Variants in ANKS1B observed in about 807,000 individuals in gnomAD.
The protein encoded by ANKS1B is ankyrin repeat and sterile alpha motif domain containing 1B, also known as ankyrin repeat and sterile alpha motif domain-containing protein 1B.
In ANKS1B, 36 loss-of-function variants were observed where a neutral mutation model predicts 148.3. That is an observed-to-expected ratio of 0.24 (90% CI 0.19 to 0.32). The LOEUF is 0.32. Ranked by LOEUF, ANKS1B falls within the 10% of genes least tolerant of loss-of-function variation. The probability of loss-of-function intolerance (pLI) is 1.00; values close to 1 mark genes in which losing one functional copy is unlikely to be tolerated. For missense variants in ANKS1B, 1,157 were observed against 1,542.6 expected (o/e 0.75, Z 4.19); for synonymous variants, 542 against 560.8 (o/e 0.97, Z 0.47).
chr12:99,166,527 G>A (rs770450301), intron 14 of ANKS1B, among the ~76,000 whole-genome samples: 1 of 151,764 alleles, frequency 6.6e-6, no homozygotes, highest in African/African-American at 2.4e-5. Flanking sequence ...ATTTACAACA[G>A]CACCAAAACT....
At chr12:99,771,347 C>CA in intron 8 of ANKS1B, among the ~76,000 whole-genome samples, 1 of 151,678 alleles carries the variant, frequency 6.6e-6, no homozygotes, top group Admixed American at 6.6e-5. Context: ...GTACGTACAA[C>CA]AAAAAAGTTT....
intron 14 of ANKS1B, among the ~76,000 whole-genome samples, chr12:99,171,783 A>G (rs2077789837): frequency 6.6e-6 from 1 of 152,106 alleles, no homozygotes; most frequent in Non-Finnish European, 1.5e-5. Context: ...CCTTCTTTTA[A>G]GGTTGCTGGC....
chr12:99,261,664 T>C (rs1239447254), intron 12 of ANKS1B, among the ~76,000 whole-genome samples: 1 of 152,144 alleles, frequency 6.6e-6, no homozygotes, highest in African/African-American at 2.4e-5. Context: ...AACTGCAACC[T>C]GCCTATGCCT....
chr12:99,890,666 T>A (rs558426242), intron 1 of ANKS1B, among the ~76,000 whole-genome samples: 3 of 151,064 alleles, frequency 2.0e-5, no homozygotes, highest in Non-Finnish European at 4.4e-5. Context: ...TAATGCTAGA[T>A]ACCATTATTT....
intron 10 of ANKS1B, among the ~76,000 whole-genome samples, 187 bp downstream of exon 10, chr12:99,504,289 G>A (rs2096684795): frequency 6.6e-6 from 1 of 152,100 alleles, no homozygotes; most frequent in African/African-American, 2.4e-5. Flanking sequence ...CAGGAAGTTA[G>A]GAGACTTCAA....
At chr12:99,024,165 A>C (rs748202300) in intron 17 of ANKS1B, among the ~76,000 whole-genome samples, 1 of 152,056 alleles carries the variant, frequency 6.6e-6, no homozygotes, top group Non-Finnish European at 1.5e-5. Context: ...CTCCCATAGG[A>C]ATCTAATGTA....
intron 9 of ANKS1B, among the ~76,000 whole-genome samples, chr12:99,576,936 CTAGTGTCTACTGTTGACA>C (rs2097525292): frequency 6.6e-6 from 1 of 151,736 alleles, no homozygotes; most frequent in Non-Finnish European, 1.5e-5. Flanking sequence ...CTAGTAGACC[CTAGTGTCTACTGTTGACA>C]TAAGATGAAA....
chr12:99,855,201 G>T (rs1244161106), intron 1 of ANKS1B, among the ~76,000 whole-genome samples: 1 of 152,080 alleles, frequency 6.6e-6, no homozygotes, highest in Non-Finnish European at 1.5e-5. Context: ...AGGTGAAGGG[G>T]TAGAAAAAGA....
chr12:99,851,919 G>A (rs745639700), intron 1 of ANKS1B, among the ~76,000 whole-genome samples: 5 of 152,084 alleles, frequency 3.3e-5, no homozygotes, highest in Admixed American at 6.6e-5. Flanking sequence ...TGCTTCATTC[G>A]GATTGATATC....
At chr12:98,791,638 G>C (rs1437641691) in intron 22 of ANKS1B, among the ~76,000 whole-genome samples, 1 of 152,160 alleles carries the variant, frequency 6.6e-6, no homozygotes, top group Non-Finnish European at 1.5e-5. Context: ...GTACACTACA[G>C]TCTCAAATTC....
rs201557336 is a variant in ANKS1B, at chr12:98,776,891, T to TA, written c.3442-3713dup. 6.2e-3 allele frequency among the ~76,000 whole-genome samples: 939 copies of TA among 151,484 alleles called. 7 individuals carry two copies. Among genetic ancestry groups the TA allele is most frequent in the African/African-American group, 0.02 (826 of 41,298 alleles). On this transcript the variant is annotated intron_variant, in intron 24 of 26. Transcript: ENST00000683438. ...CCAAGCTTCTTAGGAGTATTTGCTA[T>TA]AAAAAAAAACAATGGGAGGCCCACT...
intron 12 of ANKS1B, among the ~76,000 whole-genome samples, chr12:99,270,030 C>A (rs1448990630): frequency 6.6e-6 from 1 of 152,038 alleles, no homozygotes; most frequent in Non-Finnish European, 1.5e-5. Context: ...AAGATAGCAA[C>A]AATATTAAAA....
At chr12:99,947,868 T>C (rs911861901) in intron 1 of ANKS1B, among the ~76,000 whole-genome samples, 16 of 152,194 alleles carry the variant, frequency 1.1e-4, no homozygotes, top group African/African-American at 3.9e-4. Context: ...TCACAACTCC[T>C]AGATGCTGTT....
chr12:98,906,464 A>G (rs1005055), intron 17 of ANKS1B, among the ~76,000 whole-genome samples: 2,048 of 152,282 alleles, frequency 0.013, 38 homozygotes, highest in African/African-American at 0.046. Flanking sequence ...TGGAAGCTGC[A>G]GGGCAGGAGT....
intron 9 of ANKS1B, among the ~76,000 whole-genome samples, chr12:99,573,018 A>C (rs1169387798): frequency 1.3e-5 from 2 of 152,120 alleles, no homozygotes; most frequent in Admixed American, 1.3e-4. Context: ...TGATCAAATA[A>C]AACTTTAAAG....
chr12:99,517,810 A>G (rs2096836870), intron 9 of ANKS1B, among the ~76,000 whole-genome samples: 1 of 152,082 alleles, frequency 6.6e-6, no homozygotes, highest in East Asian at 1.9e-4. Flanking sequence ...CTTGGAGGAA[A>G]GGCTTTCAGT....
At position 99,253,195 on chromosome 12, in the gene ANKS1B, T is replaced by C. The variant is rs138791547; in HGVS notation, c.1757-6331A>G. On this transcript the variant is annotated intron_variant, in intron 12 of 26. Coordinates refer to ENST00000683438, the MANE Select transcript of ANKS1B (RefSeq NM_001352186.2). The stretch of plus-strand genomic sequence containing the variant: ...TGAGCTTTGATCATGCCACTGCACT[T>C]AGTCTGGGCAACAGAGTGAGACCTT... Among the ~76,000 whole-genome samples the C allele has an allele frequency of 6.9e-3, 1,051 of 151,622 alleles. 15 individuals carry two copies. The highest frequency in any genetic ancestry group is 0.024 in the African/African-American group (1,007 of 41,286).
At chr12:99,968,128 C>G (rs2153836115) in intron 1 of ANKS1B, among the ~76,000 whole-genome samples, 1 of 152,232 alleles carries the variant, frequency 6.6e-6, no homozygotes, top group Admixed American at 6.5e-5. Context: ...TGAGAAAGGT[C>G]TAAGGACAAA....
chr12:99,560,845 T>C (rs935682700), intron 9 of ANKS1B, among the ~76,000 whole-genome samples: 10 of 122,246 alleles, frequency 8.2e-5, no homozygotes, highest in Admixed American at 3.9e-4. Context: ...TTTTTCTTTT[T>C]TTTTTTTTTT....
Sources: allele counts gnomAD v4.1 joint callset (sites outside exome capture counted in the v4.1 genomes callset), GRCh38; gene constraint gnomAD v4.1.1; transcripts MANE v1.5; gene names NCBI Gene and HGNC (gene_info 2026-07-23, HGNC 2026-07-21).